RITA1: variants seen among roughly 807,000 people sequenced by gnomAD.
RITA1 encodes the protein RBPJ interacting and tubulin associated 1.
In RITA1, 15 loss-of-function variants were observed where a neutral mutation model predicts 8.7. The observed-to-expected ratio is 1.72, with a 90% CI of 1.15 to 2.65. The LOEUF is 2.65. Ranked by LOEUF, RITA1 falls within the 30% of genes most tolerant of loss-of-function variation. RITA1 has a pLI of 0.00. For synonymous variants in RITA1, 145 were observed against 156.2 expected, an observed-to-expected ratio of 0.93 and a Z score of 0.53; for missense variants, 330 against 363.8, an observed-to-expected ratio of 0.91 and a Z score of 0.76.
At chr12:113,190,029 TAAAA>T (rs56327935) in intron 3 of RITA1, among the ~76,000 whole-genome samples, 2 of 71,248 alleles carry the variant, frequency 2.8e-5, no homozygotes, top group Non-Finnish European at 2.8e-5. Context: ...CCCTGTCTCT[TAAAA>T]AAAAAAAAAA....
Position 113,186,177 on chromosome 12 carries a change from C to A in RITA1, c.-196-8C>A. The A allele has an allele frequency of 1.5e-6, 2 of 1,373,896 alleles. No individual in the cohort carries two copies. Among genetic ancestry groups the A allele is most frequent in the Non-Finnish European group, 2.0e-6 (2 of 1,015,116 alleles). 85.1% of individuals were successfully genotyped at this position (1,373,896 alleles called of 1,614,324 possible). ...CTCTGGACTCAGATTTCACTTCCAC[C>A]GTTTTAGCTTTATAGGTGTGACCTA... On this transcript the variant is annotated splice_polypyrimidine_tract_variant and splice_region_variant and intron_variant, in intron 1 of 3. Transcript: ENST00000548278.
chr12:113,190,056 G>C (rs986945869), intron 3 of RITA1, among the ~76,000 whole-genome samples: 2 of 138,322 alleles, frequency 1.4e-5, no homozygotes, highest in South Asian at 2.4e-4. Flanking sequence ...AAGGCCGGGC[G>C]CAGTGACTCT....
intron 3 of RITA1, among the ~76,000 whole-genome samples, chr12:113,190,011 GAGTGAGACCCTGT>G (rs1337909169): frequency 6.9e-6 from 1 of 145,878 alleles, no homozygotes; most frequent in Non-Finnish European, 1.5e-5. Flanking sequence ...CTGGGTGACA[GAGTGAGACCCTGT>G]CTCTTAAAAA....
Position 113,185,930 on chromosome 12 carries a change from C to G in RITA1, c.-288C>G, listed in dbSNP as rs1438288808. The G allele has an allele frequency of 4.6e-6, 7 of 1,511,070 alleles. No individual in the cohort carries two copies. Among genetic ancestry groups the G allele is most frequent in the Non-Finnish European group, 6.2e-6 (7 of 1,126,836 alleles). 93.6% of individuals were successfully genotyped at this position (1,511,070 alleles called of 1,614,324 possible). A position where few individuals can be genotyped will look rare whatever the true frequency, so the allele number is the denominator to read the frequency against. On this transcript the variant is annotated 5_prime_UTR_variant, in exon 1 of 4. Transcript: ENST00000548278. Reference sequence around the variant, plus strand: ...GGGATCCCGGATGCACCGCGCGCCCCCGCGCCCTCACCGACGGGTCCAGAC... The same window carrying G: ...GGGATCCCGGATGCACCGCGCGCCCGCGCGCCCTCACCGACGGGTCCAGAC...
rs760372956 is a variant in RITA1, at chr12:113,188,787, C to CTTTTTTTTTT, written c.302+1771_302+1780dup. ...TATAATGTTATTTAGCCTTAGTTAC[C>CTTTTTTTTTT]TTTTTTTTTTTTTTTTTTTTTTTTT... On this transcript the variant is annotated intron_variant, in intron 3 of 3. Transcript: ENST00000548278. 4.4e-4 allele frequency among the ~76,000 whole-genome samples: 32 copies of CTTTTTTTTTT among 73,202 alleles called. 9 individuals carry two copies. The highest frequency in any genetic ancestry group is 0.02 in the Middle Eastern group (2 of 98). The allele number at this position is 73,202 out of a possible 152,430, so 48.0% of individuals were successfully genotyped here. A position where few individuals can be genotyped will look rare whatever the true frequency, so the allele number is the denominator to read the frequency against.
rs1198024306 is a variant in RITA1, at chr12:113,186,290, C to CA, written c.-89dup. ...GTGCTGTTGAGAGGATTAAATGAAA[C>CA]AATGCTTGTAAAGCTCTTTGCAGGA... On this transcript the variant is annotated 5_prime_UTR_variant, in exon 2 of 4. The change creates a new upstream start codon in the 5' untranslated region. Transcript: ENST00000548278. The CA allele has an allele frequency of 7.2e-7, 1 of 1,394,300 alleles. No homozygotes were observed. Among genetic ancestry groups the CA allele is most frequent in the East Asian group, 2.7e-5 (1 of 37,132 alleles). The allele number at this position is 1,394,300 out of a possible 1,614,324, so 86.4% of individuals were successfully genotyped here.
Position 113,186,795 on chromosome 12 carries a change from C to T in RITA1, c.49C>T (p.Leu17Phe), listed in dbSNP as rs1278226950. Residue 17 changes from leucine (L) to phenylalanine (F), a missense_variant, in exon 3 of 4, where the codon CTT becomes TTT. Coordinates refer to ENST00000548278, the MANE Select transcript of RITA1 (RefSeq NM_032848.3). ...LAVSGMQTLGLQHRCRGGYRV... is the reference protein window; with the variant it reads ...LAVSGMQTLGFQHRCRGGYRV... Reference sequence around the variant, plus strand: ...CGTCAGTGGGATGCAGACCCTCGGCCTTCAGCACCGCTGCCGAGGTGGCTA... The same window carrying T: ...CGTCAGTGGGATGCAGACCCTCGGCTTTCAGCACCGCTGCCGAGGTGGCTA... 3 of 1,613,656 alleles carry T rather than the reference C, an allele frequency of 1.9e-6. No homozygotes were observed. Among genetic ancestry groups the T allele is most frequent in the African/African-American group, 2.7e-5 (2 of 74,926 alleles).
rs774932642 is a variant in RITA1, at chr12:113,191,338, G to A, written c.331G>A (p.Asp111Asn). 6.4e-7 allele frequency: 1 copy of A among 1,560,128 alleles called. No homozygotes were observed. The highest frequency in any genetic ancestry group is 1.2e-5 in the South Asian group (1 of 82,948). ...RPISHTPSYC[D>N]ESLFGSRSEG... ...CATCAGCCACACCCCGTCTTACTGT[G>A]ATGAGTCGCTGTTTGGCTCCCGATC... Residue 111 changes from aspartate (D) to asparagine (N), a missense_variant, in exon 4 of 4, where the codon GAT becomes AAT. Asp to Asn is a conservative substitution (Grantham distance 23, BLOSUM62 1). Transcript: ENST00000548278. This position sits in a 1 kb window ranked among gnomAD's most constrained non-coding sequence, Gnocchi z 4.0.
chr12:113,185,818 G>C lies in RITA1; in HGVS notation c.-400G>C. 5 of 687,782 alleles carry C rather than the reference G, an allele frequency of 7.3e-6. No individual in the cohort carries two copies. The South Asian group carries it at 9.5e-5, about 13-fold the overall frequency. 42.6% of individuals were successfully genotyped at this position (687,782 alleles called of 1,614,324 possible). ...CACACGTAGCCTGTGCCGGCTCCTC[G>C]GGTGAGTCCGTCCGCGCGCGGTGCC... On this transcript the variant is annotated 5_prime_UTR_variant, in exon 1 of 4. Transcript: ENST00000548278.
At position 113,191,864 on chromosome 12, in the gene RITA1, C is replaced by CTCCTA. The variant is rs1168804361; in HGVS notation, c.*47_*48insTCCTA. On this transcript the variant is annotated 3_prime_UTR_variant, in exon 4 of 4. Coordinates refer to ENST00000548278, the MANE Select transcript of RITA1 (RefSeq NM_032848.3). The surrounding 1 kb of genome is among the most constrained non-coding windows in gnomAD (Gnocchi z 4.0). ...TATGGGGCCACGGCGACAGGTATGG[C>CTCCTA]CCCTTGCCAGGGTAGGAGGACATTC... The CTCCTA allele has an allele frequency of 3.9e-6, 6 of 1,535,852 alleles. No individual in the cohort carries two copies. The highest frequency in any genetic ancestry group is 5.3e-6 in the Non-Finnish European group (6 of 1,141,140).
Position 113,191,689 on chromosome 12 carries a change from C to A in RITA1, c.682C>A (p.Pro228Thr). Residue 228 changes from proline to threonine, a missense_variant, in exon 4 of 4, where the codon CCT (proline) becomes ACT (threonine). By Grantham distance (38) the Pro-to-Thr change is conservative. Transcript: ENST00000548278. The surrounding 1 kb of genome is among the most constrained non-coding windows in gnomAD (Gnocchi z 4.0). ...PHTNGPQDLR[P>T]STSGVTFRSP... Reference sequence around the variant, plus strand: ...CACAAATGGGCCTCAGGATCTCAGGCCTTCCACGTCAGGGGTGACCTTCCG... The same window carrying A: ...CACAAATGGGCCTCAGGATCTCAGGACTTCCACGTCAGGGGTGACCTTCCG... The A allele has an allele frequency of 1.9e-6, 3 of 1,614,144 alleles. No individual in the cohort carries two copies. The highest frequency in any genetic ancestry group is 2.2e-5 in the South Asian group (2 of 91,090).
intron 3 of RITA1, chr12:113,187,390 A>C (rs61941444): frequency 0.072 from 17,982 of 249,496 alleles, 761 homozygotes; most frequent in East Asian, 0.16. Flanking sequence ...ATCACAGAGA[A>C]ATTTGCATAA....
chr12:113,188,415 G>A (rs528368243), intron 3 of RITA1, among the ~76,000 whole-genome samples: 1 of 152,134 alleles, frequency 6.6e-6, no homozygotes, highest in Non-Finnish European at 1.5e-5. Flanking sequence ...CTCCATGTTG[G>A]TCAGGCTGAT....
In RITA1 at chr12:113,186,959, G is replaced by A. The variant is rs543232514; in HGVS notation, c.213G>A (p.Ser71=). 5.0e-6 allele frequency: 8 copies of A among 1,613,726 alleles called. No homozygotes were observed. The highest frequency in any genetic ancestry group is 1.3e-5 in the African/African-American group (1 of 74,926). The change falls in exon 3 of 4, where the codon TCG becomes TCA. Residue 71 remains serine, a synonymous_variant. Coordinates refer to ENST00000548278, the MANE Select transcript of RITA1 (RefSeq NM_032848.3). ...NRTRGVGKEA[S]KALGAKGSCE... ...CCAGAGGCGTGGGCAAGGAGGCATC[G>A]AAGGCCTTGGGGGCAAAGGGGAGCT... is the stretch of plus-strand genomic sequence containing the variant.
In RITA1 at chr12:113,187,019, C is replaced by G. The variant is rs1382511932; in HGVS notation, c.273C>G (p.Thr91=). 4.4e-6 allele frequency: 7 copies of G among 1,605,656 alleles called. No homozygotes were observed. The highest frequency in any genetic ancestry group is 2.2e-5 in the South Asian group (2 of 89,894). ...CCCCCTCAAGGGGCAGCACCCCCACCCTCACACCAAGGAAGAAGAACAAAT... is the reference window on the plus strand; with the variant it reads ...CCCCCTCAAGGGGCAGCACCCCCACGCTCACACCAAGGAAGAAGAACAAAT... ...ETTPSRGSTP[T]LTPRKKNKYR... Residue 91 remains threonine, a synonymous_variant, in exon 3 of 4, where the codon ACC becomes ACG. Coordinates refer to ENST00000548278, the MANE Select transcript of RITA1 (RefSeq NM_032848.3).
chr12:113,185,943 G>A lies in RITA1; in HGVS notation c.-275G>A, dbSNP rs1214565615. On this transcript the variant is annotated 5_prime_UTR_variant, in exon 1 of 4. Transcript: ENST00000548278. ...CACCGCGCGCCCCCGCGCCCTCACC[G>A]ACGGGTCCAGACCTGGTGGGAAGAA... 1.3e-6 allele frequency: 2 copies of A among 1,520,806 alleles called. No individual in the cohort carries two copies. Among genetic ancestry groups the A allele is most frequent in the Non-Finnish European group, 1.8e-6 (2 of 1,135,092 alleles). 94.2% of individuals were successfully genotyped at this position (1,520,806 alleles called of 1,614,324 possible).
rs1329556285 is a variant in RITA1, at chr12:113,188,868, T to G, written c.302+1820T>G. The stretch of plus-strand genomic sequence containing the variant: ...CTCTGTCGCCCAGGCTGGAGTGCAG[T>G]GGCACCATCTCGGATCACTGCAGCC... On this transcript the variant is annotated intron_variant, in intron 3 of 3. Transcript: ENST00000548278. Among the ~76,000 whole-genome samples, 5 of 125,742 alleles carry G rather than the reference T, an allele frequency of 4.0e-5. No homozygotes were observed. The East Asian group carries it at 1.4e-3, about 35-fold the overall frequency. The allele number at this position is 125,742 out of a possible 152,430, so 82.5% of individuals were successfully genotyped here.
At chr12:113,188,583 G>T (rs1593016454) in intron 3 of RITA1, among the ~76,000 whole-genome samples, 1 of 151,986 alleles carries the variant, frequency 6.6e-6, no homozygotes, top group Non-Finnish European at 1.5e-5. Flanking sequence ...GGTTTCTCCT[G>T]AGGCCTCTCT....
rs571942580 is a variant in RITA1, at chr12:113,191,820, C to G, written c.*3C>G. On this transcript the variant is annotated 3_prime_UTR_variant, in exon 4 of 4. Coordinates refer to ENST00000548278, the MANE Select transcript of RITA1 (RefSeq NM_032848.3). The surrounding 1 kb of genome is among the most constrained non-coding windows in gnomAD (Gnocchi z 4.0). ...AACCAAAGCCCCCTTGGAAATGATA[C>G]TCTTTCATCAGGGTTGCCTATGGGG... The G allele has an allele frequency of 6.3e-7, 1 of 1,593,368 alleles. No homozygotes were observed. Among genetic ancestry groups the G allele is most frequent in the South Asian group, 1.1e-5 (1 of 88,812 alleles).
Sources: gnomAD v4.1 joint callset for allele counts (sites outside exome capture counted in the v4.1 genomes callset) on GRCh38, gnomAD v4.1.1 for gene constraint, Gnocchi (gnomAD v3.1) non-coding constraint, MANE v1.5 for transcripts, NCBI Gene and HGNC (gene_info 2026-07-23, HGNC 2026-07-21) for gene names.